The following DLGAP1 variants were observed in gnomAD, a reference collection of about 807,000 sequenced individuals.
The protein encoded by DLGAP1 is DLG associated protein 1, also known as disks large-associated protein 1.
In DLGAP1, 11 loss-of-function variants were observed where a neutral mutation model predicts 90.8. That is an observed-to-expected ratio of 0.12 (90% confidence interval 0.08 to 0.20). DLGAP1 has a LOEUF of 0.20. Among genes scored for constraint, DLGAP1 ranks in the 10% least tolerant of loss-of-function variants. The probability of loss-of-function intolerance (pLI) is 1.00; values close to 1 mark genes in which losing one functional copy is unlikely to be tolerated. For synonymous variants in DLGAP1, 558 were observed against 540.7 expected (o/e 1.03, Z -0.44); for missense variants, 1,050 against 1,333.8 (o/e 0.79, Z 3.31).
intron 1 of DLGAP1, among the ~76,000 whole-genome samples, chr18:4,315,022 T>A (rs925217943): frequency 1.4e-4 from 21 of 152,352 alleles, no homozygotes; most frequent in Admixed American, 1.3e-3. Context: ...TTACTTAGAC[T>A]ATTTAAAACA....
chr18:4,026,252 G>A (rs2074697192), intron 2 of DLGAP1, among the ~76,000 whole-genome samples: 1 of 152,124 alleles, frequency 6.6e-6, no homozygotes, highest in African/African-American at 2.4e-5. Flanking sequence ...CCATGCCAGG[G>A]GTCAGTGGGT....
At chr18:4,118,418 G>A (rs776752655) in intron 2 of DLGAP1, among the ~76,000 whole-genome samples, 3 of 152,152 alleles carry the variant, frequency 2.0e-5, no homozygotes, top group Non-Finnish European at 4.4e-5. Flanking sequence ...CTTGTATGGA[G>A]CCTCAGCCTT....
intron 3 of DLGAP1, among the ~76,000 whole-genome samples, chr18:3,939,491 A>G (rs1297057439): frequency 2.0e-5 from 3 of 151,892 alleles, no homozygotes; most frequent in Non-Finnish European, 2.9e-5. Flanking sequence ...CCCAAAAACC[A>G]AAAAACAAAC....
intron 3 of DLGAP1, among the ~76,000 whole-genome samples, chr18:3,943,291 G>A (rs905129556): frequency 5.3e-5 from 8 of 152,062 alleles, no homozygotes; most frequent in African/African-American, 1.4e-4. Context: ...AACAAACTTC[G>A]CTTGGATGTT....
intron 1 of DLGAP1, among the ~76,000 whole-genome samples, chr18:4,391,154 C>CT (rs1170113603): frequency 6.6e-6 from 1 of 152,124 alleles, no homozygotes; most frequent in African/African-American, 2.4e-5. Context: ...ATATATTTCC[C>CT]AAGGAAGATG....
chr18:3,635,131 CA>C (rs1357290084), intron 7 of DLGAP1, among the ~76,000 whole-genome samples: 1 of 145,124 alleles, frequency 6.9e-6, no homozygotes, highest in Non-Finnish European at 1.5e-5. Context: ...TTGTCTGTCC[CA>C]TTTTTTTTTT....
rs34761241 is a variant in DLGAP1 at position 3,691,426 on chromosome 18, CAAA to C, written c.1591+37706_1591+37708del. On this transcript the variant is annotated intron_variant, in intron 7 of 12. Transcript: ENST00000315677. ...TGGGCGATAGAGCAAGACTCTGTCT[CAAA>C]AAAAAAAAAAAAATTACTCAGAAAA... Among the ~76,000 whole-genome samples the C allele has an allele frequency of 1.8e-4, 22 of 123,702 alleles. 1 individual carries two copies. The highest frequency in any genetic ancestry group is 4.9e-4 in the African/African-American group (18 of 36,674). The allele number at this position is 123,702 out of a possible 152,430, so 81.2% of individuals were successfully genotyped here. A position where few individuals can be genotyped will look rare whatever the true frequency, so the allele number is the denominator to read the frequency against.
At chr18:4,241,580 A>G (rs535438303) in intron 1 of DLGAP1, among the ~76,000 whole-genome samples, 1 of 152,356 alleles carries the variant, frequency 6.6e-6, no homozygotes, top group East Asian at 1.9e-4. Context: ...AAAGAGATAA[A>G]TCTTAGTTAC....
intron 1 of DLGAP1, among the ~76,000 whole-genome samples, chr18:4,313,895 G>A (rs1196452099): frequency 1.3e-5 from 2 of 152,176 alleles, no homozygotes; most frequent in African/African-American, 2.4e-5. Context: ...AGATAAAGCC[G>A]AGACTCTTAG....
intron 2 of DLGAP1, among the ~76,000 whole-genome samples, chr18:4,109,158 C>T (rs1039905662): frequency 2.5e-5 from 3 of 118,572 alleles, no homozygotes; most frequent in East Asian, 2.3e-4. Flanking sequence ...TGGTGCCATC[C>T]GCAACTGGCA....
intron 3 of DLGAP1, among the ~76,000 whole-genome samples, chr18:3,950,406 TACC>T (rs2072961711): frequency 1.3e-5 from 2 of 152,220 alleles, no homozygotes; most frequent in Non-Finnish European, 2.9e-5. Flanking sequence ...AGTGTGCCAG[TACC>T]AGGCCTAACC....
At chr18:3,525,121 T>C (rs766277924) in intron 10 of DLGAP1, among the ~76,000 whole-genome samples, 2 of 152,090 alleles carry the variant, frequency 1.3e-5, no homozygotes, top group Non-Finnish European at 2.9e-5. Context: ...CATTATTTTG[T>C]TTTTAAAGAG....
intron 3 of DLGAP1, among the ~76,000 whole-genome samples, chr18:3,887,672 G>A (rs892086677): frequency 2.0e-5 from 3 of 152,086 alleles, no homozygotes; most frequent in South Asian, 2.1e-4. Flanking sequence ...TAATTTTCCC[G>A]TTTACTTATA....
At chr18:4,093,135 G>A (rs1277701190) in intron 2 of DLGAP1, among the ~76,000 whole-genome samples, 2 of 152,118 alleles carry the variant, frequency 1.3e-5, no homozygotes, top group Non-Finnish European at 2.9e-5. Flanking sequence ...TCAATTATAT[G>A]TATTGTATGT....
At chr18:4,382,007 A>G (rs2082132767) in intron 1 of DLGAP1, among the ~76,000 whole-genome samples, 1 of 152,098 alleles carries the variant, frequency 6.6e-6, no homozygotes, top group Admixed American at 6.6e-5. Flanking sequence ...ATCTCATGAG[A>G]CTTATTCACC....
chr18:3,653,608 A>G lies in DLGAP1; in HGVS notation c.1592-71360T>C, dbSNP rs554180859. 2 of 152,372 alleles carry G rather than the reference A, an allele frequency of 1.3e-5. No individual in the cohort carries two copies. Among genetic ancestry groups the G allele is most frequent in the Admixed American group, 6.5e-5 (1 of 15,300 alleles). The allele number at this position is 152,372 out of a possible 1,614,324, so 9.4% of individuals were successfully genotyped here. ...AAAAGAAGAAACAAAACTGCCTGCCATAGACACTTGGTAGGGAGTGGCAAA... is the reference window on the plus strand; with the variant it reads ...AAAAGAAGAAACAAAACTGCCTGCCGTAGACACTTGGTAGGGAGTGGCAAA... On this transcript the variant is annotated intron_variant, in intron 7 of 12. Transcript: ENST00000315677. This position sits in a 1 kb window ranked among gnomAD's most constrained non-coding sequence, Gnocchi z 4.6.
At chr18:3,566,296 C>T (rs75050345) in intron 9 of DLGAP1, among the ~76,000 whole-genome samples, 1,766 of 152,032 alleles carry the variant, frequency 0.012, 21 homozygotes, top group Admixed American at 0.029. Context: ...CCAGAATGAT[C>T]GTACCAGTTT....
intron 3 of DLGAP1, among the ~76,000 whole-genome samples, chr18:3,923,349 G>C (rs1170516790): frequency 1.3e-5 from 2 of 151,760 alleles, no homozygotes; most frequent in Non-Finnish European, 2.9e-5. Context: ...TTATAAATAA[G>C]ACTGAACAAC....
chr18:4,387,617 A>G (rs1207908999), intron 1 of DLGAP1, among the ~76,000 whole-genome samples: 3 of 152,222 alleles, frequency 2.0e-5, no homozygotes, highest in African/African-American at 7.2e-5. Flanking sequence ...TCTAGAATAA[A>G]TGCACATACA....
Sources: allele counts gnomAD v4.1 joint callset (sites outside exome capture counted in the v4.1 genomes callset), GRCh38; gene constraint gnomAD v4.1.1; non-coding constraint Gnocchi (gnomAD v3.1); transcripts MANE v1.5; gene names NCBI Gene and HGNC (gene_info 2026-07-23, HGNC 2026-07-21).